The following XIRP2 variants were observed in gnomAD, a reference collection of about 807,000 sequenced individuals.
The protein encoded by XIRP2 is xin actin-binding repeat-containing protein 2.
A neutral mutation model predicts 277.0 loss-of-function variants in XIRP2; 236 were observed. The observed-to-expected ratio is 0.85, with a 90% CI of 0.77 to 0.95. The LOEUF (loss-of-function observed/expected upper bound fraction) is 0.95, where lower values mean the gene tolerates loss of function less well. XIRP2 is among the 40% of genes least tolerant of loss of function. The pLI is 0.00. For synonymous variants in XIRP2, 1,490 were observed against 1,416.5 expected (o/e 1.05, Z -1.17); for missense variants, 4,640 against 4,157.5 (o/e 1.12, Z -3.19).
chr2:167,182,391 T>C (rs191926601), intron 3 of XIRP2, among the ~76,000 whole-genome samples: 4 of 152,294 alleles, frequency 2.6e-5, no homozygotes, highest in African/African-American at 9.6e-5. Context: ...AGCATTAAAG[T>C]TCCCATACCT....
At chr2:167,201,244 A>AAGGG (rs1693697537) in intron 3 of XIRP2, among the ~76,000 whole-genome samples, 24 of 90,812 alleles carry the variant, frequency 2.6e-4, no homozygotes, top group African/African-American at 1.5e-3. Context: ...GAAAGAAAGA[A>AAGGG]AGAAAGAAAG....
intron 2 of XIRP2, among the ~76,000 whole-genome samples, chr2:167,106,856 T>C (rs1000596253): frequency 4.6e-5 from 7 of 151,496 alleles, no homozygotes; most frequent in Non-Finnish European, 7.4e-5. Flanking sequence ...TTAATCAGCG[T>C]TCTGTAGTTT....
chr2:167,214,077 A>G (rs530960403), intron 4 of XIRP2, among the ~76,000 whole-genome samples: 1 of 124,234 alleles, frequency 8.0e-6, no homozygotes, highest in African/African-American at 3.7e-5. Context: ...ATAGAAAGGA[A>G]GGAAGGAAGA....
intron 3 of XIRP2, among the ~76,000 whole-genome samples, chr2:167,176,057 A>G (rs1419786494): frequency 2.6e-5 from 4 of 152,118 alleles, no homozygotes; most frequent in African/African-American, 9.7e-5. Flanking sequence ...GCTGGGTTCC[A>G]TGGGGGTGGG....
intron 2 of XIRP2, among the ~76,000 whole-genome samples, chr2:167,132,045 C>T (rs148862158): frequency 2.3e-4 from 35 of 152,162 alleles, no homozygotes; most frequent in South Asian, 4.1e-4. Flanking sequence ...CTCAAACTTC[C>T]GATTCAATCC....
intron 2 of XIRP2, among the ~76,000 whole-genome samples, chr2:167,064,387 CTATT>C (rs1294291379): frequency 7.9e-5 from 12 of 151,862 alleles, no homozygotes; most frequent in Non-Finnish European, 4.4e-5. Flanking sequence ...GCGCATACTT[CTATT>C]TATTTAATCC....
chr2:167,065,586 G>A (rs1689282688), intron 2 of XIRP2, among the ~76,000 whole-genome samples: 1 of 151,704 alleles, frequency 6.6e-6, no homozygotes, highest in Non-Finnish European at 1.5e-5. Context: ...TATCCAAGAA[G>A]TTATTGCTAA....
At chr2:167,070,522 A>G (rs1028171261) in intron 2 of XIRP2, among the ~76,000 whole-genome samples, 1 of 152,176 alleles carries the variant, frequency 6.6e-6, no homozygotes, top group Non-Finnish European at 1.5e-5. Context: ...TTTATTTTTC[A>G]TGTATTGTAA....
Position 167,243,600 on chromosome 2 carries a change from C to T in XIRP2, c.2208C>T (p.Phe736=), listed in dbSNP as rs76149079. The T allele has an allele frequency of 6.8e-4, 1,097 of 1,613,852 alleles. 5 individuals are homozygous for T. The African/African-American group carries it at 0.011, about 16-fold the overall frequency. ...KGNVKRSIKC[F]ETQPLYVIRD... ...ATGTTAAAAGAAGTATAAAATGTTTCGAAACTCAACCATTATATGTTATTA... is the reference window on the plus strand; with the variant it reads ...ATGTTAAAAGAAGTATAAAATGTTTTGAAACTCAACCATTATATGTTATTA... Residue 736 remains phenylalanine (F), a synonymous_variant, in exon 9 of 11, where the codon TTC becomes TTT. Transcript: ENST00000409195.
At chr2:167,224,813 A>G (rs528383427) in intron 5 of XIRP2, among the ~76,000 whole-genome samples, 1 of 152,250 alleles carries the variant, frequency 6.6e-6, no homozygotes, top group South Asian at 2.1e-4. Context: ...TAAAAAGACA[A>G]AGAAGGATTA....
intron 2 of XIRP2, among the ~76,000 whole-genome samples, chr2:166,944,089 G>C (rs1210722982): frequency 6.6e-6 from 1 of 152,196 alleles, no homozygotes; most frequent in Non-Finnish European, 1.5e-5. Context: ...GTACAATGAA[G>C]GATAGCCTGG....
Position 167,249,461 on chromosome 2 carries a change from A to G in XIRP2, c.8069A>G (p.Lys2690Arg). ...TGTAGTACCCAACAAACACAACAGA[A>G]GAAGTATTTGGAGCAGTTGCACTTG... ...QECSTQQTQQ[K>R]KYLEQLHLPQ... The change falls in exon 9 of 11, where the codon AAG becomes AGG. Residue 2690 changes from lysine (K) to arginine (R), a missense_variant. Physicochemically the swap from Lys to Arg is conservative, Grantham distance 26 (BLOSUM62 2). Transcript: ENST00000409195. 1 of 1,613,902 alleles carries G rather than the reference A, an allele frequency of 6.2e-7. No individual in the cohort carries two copies. Among genetic ancestry groups the G allele is most frequent in the Non-Finnish European group, 8.5e-7 (1 of 1,179,856 alleles).
chr2:167,254,506 A>T (rs540406144), intron 10 of XIRP2, among the ~76,000 whole-genome samples: 1 of 152,038 alleles, frequency 6.6e-6, no homozygotes, highest in Non-Finnish European at 1.5e-5. Flanking sequence ...ATTTTCTGTT[A>T]AGGTCTAGAT....
At chr2:166,936,300 T>C (rs1173760807) in intron 2 of XIRP2, among the ~76,000 whole-genome samples, 2 of 152,216 alleles carry the variant, frequency 1.3e-5, no homozygotes, top group Non-Finnish European at 2.9e-5. Flanking sequence ...TCTTTGTAGA[T>C]TCTGGATATT....
intron 2 of XIRP2, among the ~76,000 whole-genome samples, chr2:167,101,885 A>T (rs578238952): frequency 3.3e-5 from 5 of 152,330 alleles, no homozygotes; most frequent in Admixed American, 6.5e-5. Flanking sequence ...GGATATTTGC[A>T]TTCATTCATT....
intron 5 of XIRP2, among the ~76,000 whole-genome samples, chr2:167,228,099 A>G (rs1471203080): frequency 6.6e-6 from 1 of 152,180 alleles, no homozygotes; most frequent in Non-Finnish European, 1.5e-5. Context: ...CACTGTGTGG[A>G]CTTTTCCTGG....
intron 2 of XIRP2, among the ~76,000 whole-genome samples, chr2:166,941,413 C>T (rs2105383054): frequency 6.6e-6 from 1 of 152,326 alleles, no homozygotes; most frequent in East Asian, 1.9e-4. Flanking sequence ...GATGCCTCGC[C>T]CTGCTTTGGC....
chr2:167,061,323 A>G (rs1182298228), intron 2 of XIRP2, among the ~76,000 whole-genome samples: 1 of 152,112 alleles, frequency 6.6e-6, no homozygotes, highest in Non-Finnish European at 1.5e-5. Context: ...TTGTTTTTCA[A>G]CCTGTATTTC....
chr2:167,040,645 G>T (rs1259053886), intron 2 of XIRP2, among the ~76,000 whole-genome samples: 1 of 152,146 alleles, frequency 6.6e-6, no homozygotes, highest in Non-Finnish European at 1.5e-5. Flanking sequence ...TTCTCTAGGG[G>T]TTTTTAGCCT....
Sources: allele counts gnomAD v4.1 joint callset (sites outside exome capture counted in the v4.1 genomes callset), GRCh38; gene constraint gnomAD v4.1.1; transcripts MANE v1.5; gene names NCBI Gene and HGNC (gene_info 2026-07-23, HGNC 2026-07-21).